The following GTF3C1 variants were observed in gnomAD, a reference collection of about 807,000 sequenced individuals.
The protein encoded by GTF3C1 is general transcription factor 3C polypeptide 1.
A neutral mutation model predicts 226.7 loss-of-function variants in GTF3C1; 57 were observed. The observed-to-expected ratio is 0.25, with a 90% confidence interval of 0.20 to 0.31. The LOEUF is 0.31. GTF3C1 is among the 10% of genes least tolerant of loss of function. The probability of loss-of-function intolerance (pLI) is 1.00; values close to 1 mark genes in which losing one functional copy is unlikely to be tolerated. For missense variants in GTF3C1, 2,217 were observed against 2,776.1 expected (o/e 0.80, Z 4.53); for synonymous variants, 1,090 against 1,084.8 (o/e 1.00, Z -0.09).
At position 27,507,142 on chromosome 16, in the gene GTF3C1, G is replaced by T; in HGVS notation, c.1257C>A (p.Asp419Glu). 1 of 1,606,282 alleles carries T rather than the reference G, an allele frequency of 6.2e-7. No individual in the cohort carries two copies. The highest frequency in any genetic ancestry group is 8.5e-7 in the Non-Finnish European group (1 of 1,175,182). ...RFKVVKGFME[D>E]EGRQRTTKYI... ...ACTTGGTGGTTCGCTGCCGACCTTC[G>T]TCTTCCATGAATCCCTAGAGGGAAT... The change falls in exon 9 of 37, where the codon GAC becomes GAA. Residue 419 changes from aspartate (D) to glutamate (E), a missense_variant. Physicochemically the swap from Asp to Glu is conservative, Grantham distance 45. Coordinates refer to ENST00000356183, the MANE Select transcript of GTF3C1 (RefSeq NM_001520.4). This position sits in a 1 kb window ranked among gnomAD's most constrained non-coding sequence, Gnocchi z 4.9.
Position 27,495,202 on chromosome 16 carries a change from G to C in GTF3C1, c.2632+9C>G. On this transcript the variant is annotated intron_variant, in intron 15 of 36. Transcript: ENST00000356183. ...CGCCCCAGGTGCAGGAGTGGCAGGG[G>C]CCTCTCACCTGTCTCCGTGGCAAGC... 6 of 1,599,690 alleles carry C rather than the reference G, an allele frequency of 3.8e-6. No homozygotes were observed. Among genetic ancestry groups the C allele is most frequent in the Non-Finnish European group, 5.1e-6 (6 of 1,169,366 alleles).
At chr16:27,494,236 T>C (rs232070) in intron 16 of GTF3C1, among the ~76,000 whole-genome samples, 33,579 of 151,634 alleles carry the variant, frequency 0.22, 4,450 homozygotes, top group African/African-American at 0.38. Flanking sequence ...CCCGTCTCTA[T>C]TAAAAATATA....
chr16:27,482,468 C>G (rs2088068139), intron 26 of GTF3C1: 1 of 456,008 alleles, frequency 2.2e-6, no homozygotes, highest in Non-Finnish European at 4.4e-6. Context: ...GCTGACTACA[C>G]TGTCCTGCAA....
chr16:27,463,604 G>C lies in GTF3C1; in HGVS notation c.5873-12C>G. ...ACTCTCTGTGAACCCTGAGGGAAGAGGAAGAGAATGTGAGAGACTCGGAAA... is the reference window on the plus strand; with the variant it reads ...ACTCTCTGTGAACCCTGAGGGAAGACGAAGAGAATGTGAGAGACTCGGAAA... On this transcript the variant is annotated splice_polypyrimidine_tract_variant and intron_variant, in intron 34 of 36. Coordinates refer to ENST00000356183, the MANE Select transcript of GTF3C1 (RefSeq NM_001520.4). This position sits in a 1 kb window ranked among gnomAD's most constrained non-coding sequence, Gnocchi z 4.9. 1.3e-6 allele frequency: 2 copies of C among 1,552,690 alleles called. No homozygotes were observed. The highest frequency in any genetic ancestry group is 1.8e-6 in the Non-Finnish European group (2 of 1,123,700).
intron 29 of GTF3C1, 114 bp from the exon 30 acceptor site, chr16:27,472,034 T>C: frequency 1.2e-6 from 1 of 850,290 alleles, no homozygotes; most frequent in Non-Finnish European, 1.9e-6. Context: ...TGACCGATCG[T>C]GGGAGGCCCA....
intron 28 of GTF3C1, 99 bp downstream of exon 28, chr16:27,478,370 T>C (rs1456597267): frequency 3.6e-6 from 3 of 834,008 alleles, no homozygotes; most frequent in East Asian, 4.9e-5. Flanking sequence ...AAACAGGTAG[T>C]GGGCTGGATT....
chr16:27,501,584 G>A (rs944602205), intron 11 of GTF3C1, among the ~76,000 whole-genome samples: 5 of 152,166 alleles, frequency 3.3e-5, no homozygotes, highest in South Asian at 2.1e-4. Flanking sequence ...GCCTTTCACC[G>A]GCAACTCAAG....
intron 8 of GTF3C1, among the ~76,000 whole-genome samples, chr16:27,508,055 G>A (rs2088514383): frequency 6.6e-6 from 1 of 152,262 alleles, no homozygotes; most frequent in Non-Finnish European, 1.5e-5. Flanking sequence ...TGTTGCCCAG[G>A]TTGGAGCGCA....
At chr16:27,515,571 A>G (rs764901375) in intron 6 of GTF3C1, among the ~76,000 whole-genome samples, 10 of 152,168 alleles carry the variant, frequency 6.6e-5, no homozygotes, top group Non-Finnish European at 1.2e-4. Context: ...ACAGCCTCCA[A>G]CAAATGGCAC....
chr16:27,541,414 T>A (rs7200706), intron 2 of GTF3C1, among the ~76,000 whole-genome samples: 125,297 of 152,186 alleles, frequency 0.82, 51,859 homozygotes, highest in East Asian at 1. Context: ...GGGTTACAAC[T>A]TCAAACATGT....
In GTF3C1 at chr16:27,462,765, G is replaced by A. The variant is rs1370841136; in HGVS notation, c.5925-279C>T. Reference sequence around the variant, plus strand: ...ACCCACATTGGCAGGAGAGGGACAAGGGTTGTGACTCCTGGACTTGCCAGC... The same window carrying A: ...ACCCACATTGGCAGGAGAGGGACAAAGGTTGTGACTCCTGGACTTGCCAGC... On this transcript the variant is annotated intron_variant, in intron 35 of 36. Coordinates refer to ENST00000356183, the MANE Select transcript of GTF3C1 (RefSeq NM_001520.4). This position sits in a 1 kb window ranked among gnomAD's most constrained non-coding sequence, Gnocchi z 4.5. The A allele has an allele frequency of 1.8e-5, 8 of 439,750 alleles. No homozygotes were observed. Among genetic ancestry groups the A allele is most frequent in the South Asian group, 1.5e-4 (4 of 26,400 alleles). The allele number at this position is 439,750 out of a possible 1,614,324, so 27.2% of individuals were successfully genotyped here. A position where few individuals can be genotyped will look rare whatever the true frequency, so the allele number is the denominator to read the frequency against.
chr16:27,484,266 C>T lies in GTF3C1; in HGVS notation c.3946G>A (p.Val1316Ile), dbSNP rs767007209. 30 of 1,607,066 alleles carry T rather than the reference C, an allele frequency of 1.9e-5. No homozygotes were observed. Among genetic ancestry groups the T allele is most frequent in the South Asian group, 2.2e-5 (2 of 90,940 alleles). The change falls in exon 25 of 37, where the codon GTT becomes ATT. Residue 1316 changes from valine to isoleucine, a missense_variant. By Grantham distance (29) the Val-to-Ile change is conservative. Transcript: ENST00000356183. Reference protein sequence around the residue: ...EESLDKTSHSVGRRARYIVKN... With the variant: ...EESLDKTSHSIGRRARYIVKN... ...ACTATGTAGCGAGCTCTTCGTCCAA[C>T]GGAATGAGATGTTTTATCCAAAGAC...
chr16:27,511,691 G>A (rs1596644463), intron 7 of GTF3C1, 58 bp downstream of exon 7: 6 of 1,570,016 alleles, frequency 3.8e-6, no homozygotes, highest in East Asian at 4.5e-5. Flanking sequence ...TGGGCAAAGC[G>A]CTTCTTGACT....
At position 27,519,849 on chromosome 16, in the gene GTF3C1, A is replaced by C. The variant is rs375979192; in HGVS notation, c.974-7948T>G. ...AGGCTGGACATAGAGGCTCACGCCC[A>C]TAATCCCAGCACTTTGGGAGGACAA... On this transcript the variant is annotated intron_variant, in intron 6 of 36. Transcript: ENST00000356183. Among the ~76,000 whole-genome samples the C allele has an allele frequency of 3.2e-4, 48 of 152,322 alleles. 1 individual carries two copies. The highest frequency in any genetic ancestry group is 8.7e-4 in the African/African-American group (36 of 41,580).
At chr16:27,504,686 C>T (rs1221726288) in intron 10 of GTF3C1, among the ~76,000 whole-genome samples, 4 of 151,692 alleles carry the variant, frequency 2.6e-5, no homozygotes, top group African/African-American at 4.8e-5. Context: ...GAGGCTAAGG[C>T]GGGAGGATCA....
intron 5 of GTF3C1, among the ~76,000 whole-genome samples, chr16:27,531,939 C>T (rs992907696): frequency 6.6e-6 from 1 of 152,218 alleles, no homozygotes; most frequent in African/African-American, 2.4e-5. Context: ...AAGCAAAACA[C>T]TTCTCCCCTA....
At chr16:27,538,894 T>G (rs1361726966) in intron 2 of GTF3C1, among the ~76,000 whole-genome samples, 1 of 151,328 alleles carries the variant, frequency 6.6e-6, no homozygotes, top group African/African-American at 2.4e-5. Context: ...CCAACTAGAG[T>G]TCTAGCCCCA....
intron 29 of GTF3C1, among the ~76,000 whole-genome samples, chr16:27,472,551 T>A (rs1472956556): frequency 6.6e-6 from 1 of 152,124 alleles, no homozygotes; most frequent in Non-Finnish European, 1.5e-5. Context: ...CCACAACCAG[T>A]CCTTCACGAC....
chr16:27,526,299 C>T (rs934169660), intron 6 of GTF3C1, among the ~76,000 whole-genome samples: 9 of 152,290 alleles, frequency 5.9e-5, no homozygotes, highest in African/African-American at 1.9e-4. Context: ...AAACAAGAGA[C>T]GGCCAAGCTG....
Sources: gnomAD v4.1 joint callset for allele counts (sites outside exome capture counted in the v4.1 genomes callset) on GRCh38, gnomAD v4.1.1 for gene constraint, Gnocchi (gnomAD v3.1) non-coding constraint, MANE v1.5 for transcripts, NCBI Gene and HGNC (gene_info 2026-07-23, HGNC 2026-07-21) for gene names.